Variants in PRKG1 observed in about 807,000 individuals in gnomAD.
PRKG1 encodes protein kinase cGMP-dependent 1.
In PRKG1, 35 loss-of-function variants were observed where a neutral mutation model predicts 88.1. The ratio of observed to expected loss-of-function variants is 0.40; its 90% CI spans 0.30 to 0.53. PRKG1 has a LOEUF of 0.53. PRKG1 is among the 20% of genes least tolerant of loss of function. PRKG1 has a pLI of 0.59. For synonymous variants in PRKG1, 303 were observed against 292.5 expected (o/e 1.04, Z -0.37); for missense variants, 540 against 839.8 (o/e 0.64, Z 4.41).
At chr10:52,019,620 A>T (rs1048766295) in intron 5 of PRKG1, among the ~76,000 whole-genome samples, 1 of 152,182 alleles carries the variant, frequency 6.6e-6, no homozygotes, top group Non-Finnish European at 1.5e-5. Context: ...TGTCCATGAG[A>T]TATTGATATG....
At chr10:51,244,234 C>T (rs1422343496) in intron 2 of PRKG1, among the ~76,000 whole-genome samples, 1 of 150,792 alleles carries the variant, frequency 6.6e-6, no homozygotes, top group Non-Finnish European at 1.5e-5. Context: ...ATTAGATTTT[C>T]ATTTATTTAT....
chr10:52,227,183 G>A (rs1840409033), intron 9 of PRKG1, among the ~76,000 whole-genome samples: 1 of 152,032 alleles, frequency 6.6e-6, no homozygotes, highest in African/African-American at 2.4e-5. Context: ...TTATTTTTAA[G>A]GTTTTTAGTT....
chr10:51,952,130 C>T (rs930171086), intron 5 of PRKG1, among the ~76,000 whole-genome samples: 3 of 152,164 alleles, frequency 2.0e-5, no homozygotes, highest in Non-Finnish European at 2.9e-5. Context: ...TTGCCAATCC[C>T]TCTGCTAGAG....
At chr10:51,700,728 A>T (rs1841444231) in intron 3 of PRKG1, among the ~76,000 whole-genome samples, 1 of 152,220 alleles carries the variant, frequency 6.6e-6, no homozygotes, top group South Asian at 2.1e-4. Context: ...TGTATTGAAT[A>T]TATGAAATGA....
At chr10:51,677,821 A>T (rs1005504742) in intron 3 of PRKG1, among the ~76,000 whole-genome samples, 4 of 152,190 alleles carry the variant, frequency 2.6e-5, no homozygotes, top group African/African-American at 7.2e-5. Flanking sequence ...TGCATCTTTA[A>T]CAAATCCCTG....
At chr10:51,660,284 C>T (rs562207533) in intron 3 of PRKG1, among the ~76,000 whole-genome samples, 4 of 152,016 alleles carry the variant, frequency 2.6e-5, no homozygotes, top group South Asian at 2.1e-4. Context: ...CCATCACCAC[C>T]GGCAGCACCG....
In PRKG1 at chr10:51,489,177, A is replaced by C. The variant is rs146364240; in HGVS notation, c.592+21341A>C. Among the ~76,000 whole-genome samples the C allele has an allele frequency of 3.9e-3, 600 of 152,286 alleles. 12 individuals are homozygous for C. Among genetic ancestry groups the C allele is most frequent in the Admixed American group, 0.035 (541 of 15,276 alleles). On this transcript the variant is annotated intron_variant, in intron 3 of 17. Transcript: ENST00000373980. ...GACTTCACCATAGAATGTAAATAAC[A>C]CAGCAATTACAGCCCAATGTGATAA...
chr10:51,549,115 C>CTTTTTTTT (rs1842514509), intron 3 of PRKG1, among the ~76,000 whole-genome samples: 2 of 79,306 alleles, frequency 2.5e-5, no homozygotes, highest in African/African-American at 9.4e-5. Context: ...TCTTTCTTTT[C>CTTTTTTTT]TTTTCTTTTT....
chr10:51,689,663 G>A (rs570227955), intron 3 of PRKG1, among the ~76,000 whole-genome samples: 33 of 152,252 alleles, frequency 2.2e-4, no homozygotes, highest in Admixed American at 1.0e-3. Flanking sequence ...TTAAATTTAC[G>A]TTTGCTTTGT....
intron 2 of PRKG1, among the ~76,000 whole-genome samples, chr10:51,174,264 C>T (rs1270945859): frequency 6.6e-6 from 1 of 151,838 alleles, no homozygotes; most frequent in Non-Finnish European, 1.5e-5. Flanking sequence ...GCTTCATTCT[C>T]TGTAAAATAA....
At chr10:51,996,820 A>G (rs1317961226) in intron 5 of PRKG1, among the ~76,000 whole-genome samples, 1 of 152,202 alleles carries the variant, frequency 6.6e-6, no homozygotes, top group Non-Finnish European at 1.5e-5. Flanking sequence ...TATTTCAAGG[A>G]GATATCTGCA....
chr10:51,132,571 T>C (rs1845593231), intron 1 of PRKG1, among the ~76,000 whole-genome samples: 1 of 151,322 alleles, frequency 6.6e-6, no homozygotes, highest in Non-Finnish European at 1.5e-5. Context: ...CTAGAGTAAC[T>C]CTGTGAGAGA....
At chr10:52,070,835 T>A (rs986025346) in intron 7 of PRKG1, among the ~76,000 whole-genome samples, 4 of 152,224 alleles carry the variant, frequency 2.6e-5, no homozygotes, top group African/African-American at 9.6e-5. Flanking sequence ...TTAGAAGTTC[T>A]ACTTGGTGCA....
intron 1 of PRKG1, among the ~76,000 whole-genome samples, chr10:51,015,625 G>T (rs1028485110): frequency 1.3e-5 from 2 of 152,210 alleles, no homozygotes; most frequent in Non-Finnish European, 2.9e-5. Flanking sequence ...GGTAGCTCAT[G>T]CCTGTAATCC....
At chr10:51,599,590 G>A (rs1471782652) in intron 3 of PRKG1, among the ~76,000 whole-genome samples, 2 of 152,076 alleles carry the variant, frequency 1.3e-5, no homozygotes, top group African/African-American at 2.4e-5. Flanking sequence ...CTGCATCTGT[G>A]TGTTTTTTAG....
intron 4 of PRKG1, among the ~76,000 whole-genome samples, chr10:51,812,431 G>A (rs1388628542): frequency 6.6e-6 from 1 of 152,074 alleles, no homozygotes. Context: ...GGAAGAATCG[G>A]GCCCTTTTTG....
At chr10:52,117,906 T>C (rs1363455461) in intron 7 of PRKG1, among the ~76,000 whole-genome samples, 1 of 151,930 alleles carries the variant, frequency 6.6e-6, no homozygotes, top group Non-Finnish European at 1.5e-5. Context: ...ATAGGGGTTT[T>C]TTAGTTATTT....
intron 9 of PRKG1, among the ~76,000 whole-genome samples, chr10:52,182,752 C>T (rs371321360): frequency 1.0e-4 from 15 of 149,030 alleles, no homozygotes; most frequent in African/African-American, 2.2e-4. Context: ...TGTAGATATG[C>T]GGCATTATTT....
intron 7 of PRKG1, among the ~76,000 whole-genome samples, chr10:52,096,302 G>T (rs1407644299): frequency 1.3e-5 from 2 of 152,134 alleles, no homozygotes; most frequent in African/African-American, 4.8e-5. Flanking sequence ...GCACATCTGG[G>T]TTCTCTTTAA....
Sources: gnomAD v4.1 joint callset for allele counts (sites outside exome capture counted in the v4.1 genomes callset) on GRCh38, gnomAD v4.1.1 for gene constraint, MANE v1.5 for transcripts, NCBI Gene and HGNC (gene_info 2026-07-23, HGNC 2026-07-21) for gene names.